TRPV3: variants seen among roughly 807,000 people sequenced by gnomAD.
TRPV3 encodes the protein transient receptor potential cation channel subfamily V member 3, also known as VRL-3.
A neutral mutation model predicts 87.1 loss-of-function variants in TRPV3; 88 were observed. The observed-to-expected ratio is 1.01, with a 90% CI of 0.85 to 1.21. The LOEUF is 1.21. TRPV3 is among the 50% of genes most tolerant of loss of function. The pLI is 0.00. For missense variants in TRPV3, 1,054 were observed against 1,030.1 expected (o/e 1.02, Z -0.32); for synonymous variants, 438 against 423.3 (o/e 1.03, Z -0.43).
At chr17:3,531,056 C>A (rs1446909988) in intron 8 of TRPV3, among the ~76,000 whole-genome samples, 8 of 145,214 alleles carry the variant, frequency 5.5e-5, no homozygotes, top group East Asian at 4.1e-4. Flanking sequence ...ACTCTAGTCT[C>A]AAAAAAAACA....
intron 5 of TRPV3, 129 bp downstream of exon 5, chr17:3,543,345 A>C: frequency 8.0e-7 from 1 of 1,255,144 alleles, no homozygotes; most frequent in Non-Finnish European, 1.1e-6. Context: ...GTCAAGTTCA[A>C]AGTCCCTAGC....
At chr17:3,532,182 A>G (rs1364190147) in intron 8 of TRPV3, among the ~76,000 whole-genome samples, 2 of 152,240 alleles carry the variant, frequency 1.3e-5, no homozygotes, top group Non-Finnish European at 2.9e-5. Flanking sequence ...AAGGGCCCAA[A>G]GCGGCCACAC....
intron 14 of TRPV3, among the ~76,000 whole-genome samples, chr17:3,519,575 TG>T (rs1217062813): frequency 1.6e-5 from 2 of 124,328 alleles, no homozygotes; most frequent in African/African-American, 6.8e-5. Context: ...GATGGATGGA[TG>T]ATTAAATGGA....
rs59452400 is a variant in TRPV3 at position 3,535,966 on chromosome 17, T to G, written c.644-253A>C. Among the ~76,000 whole-genome samples the G allele has an allele frequency of 0.17, 26,459 of 152,186 alleles. 2,748 individuals are homozygous for G. The highest frequency in any genetic ancestry group is 0.41 in the East Asian group (2,104 of 5,164). On this transcript the variant is annotated intron_variant, in intron 6 of 17. Transcript: ENST00000576742. ...GGGTCAGTGGGTGCCCAAGACGCAA[T>G]CTCGATTATTTTCCTCAAGAAGCCC...
chr17:3,523,266 G>C (rs143484738), intron 13 of TRPV3, among the ~76,000 whole-genome samples: 226 of 152,296 alleles, frequency 1.5e-3, no homozygotes, highest in African/African-American at 5.2e-3. Flanking sequence ...CAAAGAAGTT[G>C]CTCACATCAT....
rs2074343341 is a variant in TRPV3, at chr17:3,530,868, C to T, written c.1066-665G>A. Among the ~76,000 whole-genome samples the T allele has an allele frequency of 6.6e-6, 1 of 152,000 alleles. No homozygotes were observed. Among genetic ancestry groups the T allele is most frequent in the East Asian group, 1.9e-4 (1 of 5,172 alleles). ...GTCAGGAGTTCGAGACCAGCCTGGC[C>T]AACATGGTGGAATCCTGTCTCTACT... is the stretch of plus-strand genomic sequence containing the variant. On this transcript the variant is annotated intron_variant, in intron 8 of 17. Transcript: ENST00000576742. The surrounding 1 kb of genome is among the most constrained non-coding windows in gnomAD (Gnocchi z 4.0).
intron 13 of TRPV3, among the ~76,000 whole-genome samples, chr17:3,521,363 G>C (rs1011828181): frequency 6.6e-6 from 1 of 152,174 alleles, no homozygotes; most frequent in Non-Finnish European, 1.5e-5. Context: ...AGAAGAGCTC[G>C]CAAGAGCTGA....
At position 3,518,813 on chromosome 17, in the gene TRPV3, G is replaced by A. The variant is rs1298357090; in HGVS notation, c.1848C>T (p.Asn616=). Residue 616 remains asparagine, a synonymous_variant, in exon 15 of 18, where the codon AAC becomes AAT. Transcript: ENST00000576742. The surrounding 1 kb of genome is among the most constrained non-coding windows in gnomAD (Gnocchi z 4.3). ...AGCTGCCGTAGGAGCTGCAGTCCTT[G>A]TTGTCTTTGGGACACTTCTCGATCA... is the stretch of plus-strand genomic sequence containing the variant. ...ASLIEKCPKD[N]KDCSSYGSFS... 1.2e-6 allele frequency: 2 copies of A among 1,614,048 alleles called. No individual in the cohort carries two copies. Among genetic ancestry groups the A allele is most frequent in the African/African-American group, 2.7e-5 (2 of 74,934 alleles).
intron 6 of TRPV3, among the ~76,000 whole-genome samples, chr17:3,535,966 T>C (rs59452400): frequency 2.0e-5 from 3 of 152,102 alleles, no homozygotes; most frequent in African/African-American, 7.2e-5. Flanking sequence ...CAAGACGCAA[T>C]CTCGATTATT....
At chr17:3,542,184 G>A (rs574256036) in intron 6 of TRPV3, among the ~76,000 whole-genome samples, 15 of 151,966 alleles carry the variant, frequency 9.9e-5, no homozygotes, top group African/African-American at 3.1e-4. Flanking sequence ...CTTGAACTCC[G>A]GACCTCAGGT....
chr17:3,539,892 G>A (rs2074443174), intron 6 of TRPV3, among the ~76,000 whole-genome samples: 1 of 151,966 alleles, frequency 6.6e-6, no homozygotes, highest in South Asian at 2.1e-4. Context: ...AGCATAGGGA[G>A]GAAATATTCG....
intron 16 of TRPV3, among the ~76,000 whole-genome samples, chr17:3,515,396 C>T (rs1031525051): frequency 2.6e-5 from 4 of 152,122 alleles, no homozygotes; most frequent in Non-Finnish European, 4.4e-5. Flanking sequence ...CACCGTGGCT[C>T]ACGCCTGTAA....
chr17:3,512,394 G>A lies in TRPV3; in HGVS notation c.*1523C>T, dbSNP rs949123336. On this transcript the variant is annotated 3_prime_UTR_variant, in exon 18 of 18. Transcript: ENST00000576742. Reference sequence around the variant, plus strand: ...CACAAAGTCTCTATCTGTCCAGCTAGTCTGGCACACAGAGTGGCCCAGGGC... The same window carrying A: ...CACAAAGTCTCTATCTGTCCAGCTAATCTGGCACACAGAGTGGCCCAGGGC... The A allele has an allele frequency of 3.3e-5, 5 of 152,222 alleles. No homozygotes were observed. The highest frequency in any genetic ancestry group is 5.9e-5 in the Non-Finnish European group (4 of 68,078). The allele number at this position is 152,222 out of a possible 1,614,324, so 9.4% of individuals were successfully genotyped here.
chr17:3,552,671 T>G (rs1276157955), intron 2 of TRPV3: 1 of 152,286 alleles, frequency 6.6e-6, no homozygotes, highest in Non-Finnish European at 1.5e-5. Flanking sequence ...TTTGCAGAGC[T>G]GAGCCTGGAG....
Position 3,532,672 on chromosome 17 carries a change from C to T in TRPV3, c.1050G>A (p.Lys350=), listed in dbSNP as rs141575082. Residue 350 remains lysine, a synonymous_variant, in exon 8 of 18, where the codon AAG becomes AAA. Coordinates refer to ENST00000576742, the MANE Select transcript of TRPV3 (RefSeq NM_145068.4). Reference sequence around the variant, plus strand: ...ATGGCCCCACCTCCGCCTTGCCCATCTTGGCGGCCAGCTGCAGCGGCGTGA... The same window carrying T: ...ATGGCCCCACCTCCGCCTTGCCCATTTTGGCGGCCAGCTGCAGCGGCGTGA... The part of the protein sequence containing the change: ...DGLTPLQLAA[K]MGKAEILKYI... 5.9e-4 allele frequency: 948 copies of T among 1,614,206 alleles called. 2 individuals carry two copies. The highest frequency in any genetic ancestry group is 6.7e-4 in the Non-Finnish European group (790 of 1,180,044).
chr17:3,513,942 T>A lies in TRPV3; in HGVS notation c.2348A>T (p.Glu783Val). Residue 783 changes from glutamate (E) to valine (V), a missense_variant, in exon 18 of 18, where the codon GAG becomes GTG. Glu to Val is a moderately radical substitution (Grantham distance 121). Coordinates refer to ENST00000576742, the MANE Select transcript of TRPV3 (RefSeq NM_145068.4). ...KTTLNAFEEV[E>V]EFPETSV ...CTACACCGAGGTTTCCGGGAATTCC[T>A]CGACTTCTTCAAATGCATTGAGAGT... 1 of 1,614,198 alleles carries A rather than the reference T, an allele frequency of 6.2e-7. No homozygotes were observed. The highest frequency in any genetic ancestry group is 8.5e-7 in the Non-Finnish European group (1 of 1,179,998).
chr17:3,556,250 C>T lies in TRPV3; in HGVS notation c.-2-1398G>A, dbSNP rs2074631447. Among the ~76,000 whole-genome samples the T allele has an allele frequency of 6.6e-6, 1 of 150,860 alleles. No individual in the cohort carries two copies. Among genetic ancestry groups the T allele is most frequent in the Non-Finnish European group, 1.5e-5 (1 of 67,824 alleles). On this transcript the variant is annotated intron_variant, in intron 1 of 17. Coordinates refer to ENST00000576742, the MANE Select transcript of TRPV3 (RefSeq NM_145068.4). This position sits in a 1 kb window ranked among gnomAD's most constrained non-coding sequence, Gnocchi z 4.2. ...AGGAGCTATGGCTGACCCCTGGGGG[C>T]AGCTGGGAGTTGGGTGCAGAGGCTC... is the stretch of plus-strand genomic sequence containing the variant.
chr17:3,546,223 T>C (rs2074524308), intron 2 of TRPV3, among the ~76,000 whole-genome samples: 1 of 151,480 alleles, frequency 6.6e-6, no homozygotes, highest in Non-Finnish European at 1.5e-5. Context: ...GGGCGGATCA[T>C]CTGAGGTCGG....
intron 15 of TRPV3, 33 bp from the exon 16 acceptor site, chr17:3,516,602 T>A (rs759903820): frequency 2.0e-6 from 3 of 1,521,950 alleles, no homozygotes; most frequent in South Asian, 2.2e-5. Context: ...GGAGTAGGCA[T>A]CCACACTCAC....
Sources: allele counts gnomAD v4.1 joint callset (sites outside exome capture counted in the v4.1 genomes callset), GRCh38; gene constraint gnomAD v4.1.1; non-coding constraint Gnocchi (gnomAD v3.1); transcripts MANE v1.5; gene names NCBI Gene and HGNC (gene_info 2026-07-23, HGNC 2026-07-21).